The following PTCSC3 variants were observed in gnomAD, a reference collection of about 807,000 sequenced individuals.
The protein encoded by PTCSC3 is papillary thyroid carcinoma susceptibility candidate 3.
At chr14:36,136,699 G>A (rs1304065150) in intron 3 of PTCSC3, among the ~76,000 whole-genome samples, 1 of 152,254 alleles carries the variant, frequency 6.6e-6, no homozygotes, top group African/African-American at 2.4e-5. Context: ...CTTGTTAATT[G>A]ATGTTATGCT....
At chr14:36,159,316 C>G (rs1881901395) in intron 2 of PTCSC3, among the ~76,000 whole-genome samples, 1 of 151,690 alleles carries the variant, frequency 6.6e-6, no homozygotes, top group South Asian at 2.1e-4. Flanking sequence ...TTTTGCTTCT[C>G]TAGTTCTTTT....
At chr14:36,148,426 C>T (rs1487893353) in intron 3 of PTCSC3, among the ~76,000 whole-genome samples, 4 of 152,194 alleles carry the variant, frequency 2.6e-5, no homozygotes, top group Non-Finnish European at 5.9e-5. Flanking sequence ...ACCCGATTTT[C>T]CAGGTGCTGT....
At chr14:36,161,441 A>C (rs549545953) in intron 2 of PTCSC3, among the ~76,000 whole-genome samples, 6 of 151,994 alleles carry the variant, frequency 3.9e-5, no homozygotes, top group African/African-American at 1.4e-4. Context: ...TGTTGATGCT[A>C]TTTCTTTCTG....
chr14:36,137,186 G>A (rs1449611315), intron 3 of PTCSC3, among the ~76,000 whole-genome samples: 1 of 152,150 alleles, frequency 6.6e-6, no homozygotes, highest in Non-Finnish European at 1.5e-5. Flanking sequence ...GATATCTAGG[G>A]TGTGAACGCT....
At chr14:36,176,095 T>C (rs574975023) in intron 1 of PTCSC3, among the ~76,000 whole-genome samples, 5 of 152,176 alleles carry the variant, frequency 3.3e-5, no homozygotes, top group Non-Finnish European at 7.4e-5. Flanking sequence ...CATATGTACA[T>C]AATGTCATGT....
chr14:36,170,838 C>A (rs769104109), intron 1 of PTCSC3, among the ~76,000 whole-genome samples: 4 of 152,072 alleles, frequency 2.6e-5, no homozygotes, highest in Non-Finnish European at 5.9e-5. Flanking sequence ...GTGTCCCAGA[C>A]CCTGGGCGGT....
chr14:36,163,208 A>G (rs1420675660), intron 1 of PTCSC3, among the ~76,000 whole-genome samples: 2 of 152,176 alleles, frequency 1.3e-5, no homozygotes, highest in African/African-American at 2.4e-5. Flanking sequence ...GTCCATCTCT[A>G]AAAACAATAA....
At chr14:36,148,336 C>A (rs1881638320) in intron 3 of PTCSC3, among the ~76,000 whole-genome samples, 1 of 152,212 alleles carries the variant, frequency 6.6e-6, no homozygotes, top group African/African-American at 2.4e-5. Context: ...ATAGGACCCT[C>A]CGAGCCAGGT....
chr14:36,146,185 G>C (rs1330287934), intron 3 of PTCSC3, among the ~76,000 whole-genome samples: 1 of 143,896 alleles, frequency 6.9e-6, no homozygotes, highest in African/African-American at 2.6e-5. Context: ...GGTCCACTTG[G>C]TGCAGAGCTG....
At chr14:36,136,180 T>C (rs1881283364) in exon 4 of PTCSC3, 1 of 152,286 alleles carries the variant, frequency 6.6e-6, no homozygotes, top group Non-Finnish European at 1.5e-5. Context: ...GATTAGATGG[T>C]GCCCACCTAG....
At chr14:36,167,344 T>A (rs1034193677) in intron 1 of PTCSC3, among the ~76,000 whole-genome samples, 1 of 152,198 alleles carries the variant, frequency 6.6e-6, no homozygotes, top group African/African-American at 2.4e-5. Flanking sequence ...AAGACGTTGA[T>A]GCATAACTTC....
intron 1 of PTCSC3, among the ~76,000 whole-genome samples, chr14:36,168,271 T>C (rs1375730949): frequency 2.6e-5 from 4 of 151,052 alleles, no homozygotes; most frequent in Non-Finnish European, 5.9e-5. Flanking sequence ...TCCATGATCT[T>C]TACCTAAACA....
intron 3 of PTCSC3, among the ~76,000 whole-genome samples, chr14:36,142,479 G>T (rs547254576): frequency 6.6e-6 from 1 of 152,094 alleles, no homozygotes; most frequent in African/African-American, 2.4e-5. Flanking sequence ...TGGTATTAAG[G>T]TGATACTGGC....
intron 2 of PTCSC3, chr14:36,154,041 T>C (rs1881777649): frequency 6.8e-6 from 1 of 147,254 alleles, no homozygotes; most frequent in African/African-American, 2.5e-5. Context: ...CACTCCAGCC[T>C]GGGTGACACA....
intron 3 of PTCSC3, among the ~76,000 whole-genome samples, chr14:36,149,327 A>G (rs966401457): frequency 7.9e-5 from 12 of 152,178 alleles, no homozygotes; most frequent in East Asian, 1.9e-4. Flanking sequence ...TTTTAATTCA[A>G]TTGTGGTCTA....
intron 3 of PTCSC3, among the ~76,000 whole-genome samples, chr14:36,145,232 A>G (rs1881531755): frequency 6.7e-6 from 1 of 148,456 alleles, no homozygotes; most frequent in African/African-American, 2.5e-5. Context: ...TTCAGAAGGA[A>G]TGGTACCAGT....
intron 3 of PTCSC3, among the ~76,000 whole-genome samples, chr14:36,144,116 G>C (rs1316174661): frequency 6.6e-6 from 1 of 152,058 alleles, no homozygotes; most frequent in Non-Finnish European, 1.5e-5. Context: ...TTGTTCTTTT[G>C]GCTTAGGATT....
intron 3 of PTCSC3, among the ~76,000 whole-genome samples, chr14:36,144,295 G>A (rs1002515061): frequency 6.8e-6 from 1 of 147,536 alleles, no homozygotes; most frequent in African/African-American, 2.5e-5. Context: ...TCATGAGCAT[G>A]GAATGTTCTT....
chr14:36,164,975 C>A (rs931081911), intron 1 of PTCSC3: 13 of 152,204 alleles, frequency 8.5e-5, no homozygotes, highest in African/African-American at 3.1e-4. Context: ...ATATCTTTGA[C>A]CAAAAGGGAT....
Sources: gnomAD v4.1 joint callset for allele counts (sites outside exome capture counted in the v4.1 genomes callset) on GRCh38, gnomAD v4.1.1 for gene constraint, MANE v1.5 for transcripts, NCBI Gene and HGNC (gene_info 2026-07-23, HGNC 2026-07-21) for gene names.